Variants in DAB1 observed in about 807,000 individuals in gnomAD.
DAB1 encodes the protein disabled homolog 1.
A neutral mutation model predicts 64.6 loss-of-function variants in DAB1; 15 were observed. The observed-to-expected ratio is 0.23, with a 90% CI of 0.16 to 0.36. DAB1 has a LOEUF of 0.36. Among genes scored for constraint, DAB1 ranks in the 10% least tolerant of loss-of-function variants. DAB1 has a pLI of 1.00. For synonymous variants in DAB1, 235 were observed against 251.9 expected, an observed-to-expected ratio of 0.93 and a Z score of 0.64; for missense variants, 596 against 706.7, an observed-to-expected ratio of 0.84 and a Z score of 1.78.
chr1:57,256,029 T>C (rs1021752991), intron 2 of DAB1, among the ~76,000 whole-genome samples: 13 of 152,308 alleles, frequency 8.5e-5, no homozygotes, highest in Non-Finnish European at 1.2e-4. Context: ...GGAACCGACA[T>C]GTGTGTTATC....
At chr1:57,463,439 G>A (rs1007166795) in intron 7 of DAB1, among the ~76,000 whole-genome samples, 45 of 152,120 alleles carry the variant, frequency 3.0e-4, no homozygotes, top group African/African-American at 1.1e-3. Context: ...ATGTAGCAGA[G>A]TTTAGCTGTA....
intron 7 of DAB1, chr1:57,606,104 C>T (rs1645632954): frequency 4.3e-6 from 2 of 468,962 alleles, no homozygotes; most frequent in Non-Finnish European, 8.0e-6. Context: ...TCAGCACATA[C>T]CATCTCCTGG....
intron 6 of DAB1, among the ~76,000 whole-genome samples, chr1:57,687,049 C>T (rs559426473): frequency 6.6e-6 from 1 of 152,128 alleles, no homozygotes; most frequent in South Asian, 2.1e-4. Flanking sequence ...CCAAAGCAAT[C>T]AGGCAAGAGA....
intron 1 of DAB1, among the ~76,000 whole-genome samples, chr1:57,372,514 C>G (rs913035138): frequency 1.3e-5 from 2 of 152,134 alleles, no homozygotes; most frequent in African/African-American, 4.8e-5. Flanking sequence ...ATGATTGAGG[C>G]CCAACTCATA....
At chr1:57,593,133 C>T (rs1029340532) in intron 7 of DAB1, among the ~76,000 whole-genome samples, 2 of 152,192 alleles carry the variant, frequency 1.3e-5, no homozygotes, top group Non-Finnish European at 2.9e-5. Flanking sequence ...AAACTCTGTA[C>T]CCATGGAAAA....
intron 7 of DAB1, among the ~76,000 whole-genome samples, chr1:57,532,230 T>A (rs1644671274): frequency 7.3e-6 from 1 of 137,850 alleles, no homozygotes. Context: ...GGAGGAGTGA[T>A]AATGGTGTGG....
At chr1:57,318,925 T>A (rs2100757630) in intron 1 of DAB1, among the ~76,000 whole-genome samples, 1 of 152,246 alleles carries the variant, frequency 6.6e-6, no homozygotes, top group Middle Eastern at 3.4e-3. Flanking sequence ...TGTATAAAAA[T>A]ATGGTCTTCC....
intron 3 of DAB1, among the ~76,000 whole-genome samples, chr1:57,141,561 T>C (rs909161218): frequency 6.6e-6 from 1 of 152,192 alleles, no homozygotes; most frequent in Non-Finnish European, 1.5e-5. Context: ...TTTGCTACCT[T>C]AAATTTACCC....
At chr1:57,779,183 TC>T (rs1649953262) in intron 6 of DAB1, among the ~76,000 whole-genome samples, 1 of 152,114 alleles carries the variant, frequency 6.6e-6, no homozygotes, top group Non-Finnish European at 1.5e-5. Context: ...GATAGTCTTC[TC>T]TGGGGGGTTA....
intron 1 of DAB1, among the ~76,000 whole-genome samples, chr1:57,845,825 C>T (rs1653255208): frequency 6.6e-6 from 1 of 152,172 alleles, no homozygotes; most frequent in Non-Finnish European, 1.5e-5. Context: ...ATAACTTTTA[C>T]CCATTGTACT....
intron 9 of DAB1, among the ~76,000 whole-genome samples, chr1:57,062,374 A>T (rs1650492055): frequency 1.3e-5 from 2 of 152,132 alleles, no homozygotes; most frequent in South Asian, 4.1e-4. Context: ...TTCAAATTAG[A>T]TGGGCAGCTC....
intron 6 of DAB1, among the ~76,000 whole-genome samples, chr1:57,678,515 A>T (rs1646595483): frequency 6.6e-6 from 1 of 152,174 alleles, no homozygotes; most frequent in Non-Finnish European, 1.5e-5. Flanking sequence ...GGGACCAGTT[A>T]GTCACTTAAC....
chr1:57,262,016 GA>G (rs1323883356), intron 2 of DAB1, among the ~76,000 whole-genome samples: 1 of 152,164 alleles, frequency 6.6e-6, no homozygotes, highest in African/African-American at 2.4e-5. Flanking sequence ...CCGGTTGGAG[GA>G]GGGAGGAGAG....
intron 6 of DAB1, among the ~76,000 whole-genome samples, chr1:57,678,859 C>T (rs923255854): frequency 3.3e-5 from 5 of 151,100 alleles, no homozygotes; most frequent in East Asian, 1.9e-4. Context: ...CTTCGCCTCC[C>T]GGGTTCACAC....
intron 2 of DAB1, among the ~76,000 whole-genome samples, chr1:57,249,004 G>A (rs1213804305): frequency 1.3e-5 from 2 of 152,144 alleles, no homozygotes; most frequent in Admixed American, 6.5e-5. Flanking sequence ...TTAAGTTCAC[G>A]ATCCCTAGAT....
At chr1:57,581,050 C>A (rs1420069964) in intron 7 of DAB1, among the ~76,000 whole-genome samples, 2 of 152,204 alleles carry the variant, frequency 1.3e-5, no homozygotes, top group Non-Finnish European at 2.9e-5. Context: ...TGTGTGGGGC[C>A]CTCTCTGGGC....
intron 7 of DAB1, among the ~76,000 whole-genome samples, chr1:57,615,444 C>T (rs1387901230): frequency 6.6e-6 from 1 of 152,178 alleles, no homozygotes; most frequent in East Asian, 1.9e-4. Flanking sequence ...TGGAAGGAGC[C>T]TGGATTCCTG....
intron 1 of DAB1, among the ~76,000 whole-genome samples, chr1:57,827,092 A>G (rs1652383460): frequency 6.6e-6 from 1 of 152,238 alleles, no homozygotes; most frequent in African/African-American, 2.4e-5. Flanking sequence ...GTTTAATATA[A>G]GATGAGCTAA....
chr1:57,728,386 G>A (rs983674846), intron 6 of DAB1, among the ~76,000 whole-genome samples: 3 of 152,156 alleles, frequency 2.0e-5, no homozygotes. Context: ...GAGGTCAGGA[G>A]ATCGAGACCA....
Sources: gnomAD v4.1 joint callset for allele counts (sites outside exome capture counted in the v4.1 genomes callset) on GRCh38, gnomAD v4.1.1 for gene constraint, MANE v1.5 for transcripts, NCBI Gene and HGNC (gene_info 2026-07-23, HGNC 2026-07-21) for gene names.